The following ADAM12 variants were observed in gnomAD, a reference collection of about 807,000 sequenced individuals.
The protein encoded by ADAM12 is disintegrin and metalloproteinase domain-containing protein 12.
A neutral mutation model predicts 106.4 loss-of-function variants in ADAM12; 70 were observed. That is an observed-to-expected ratio of 0.66 (90% confidence interval 0.54 to 0.80). ADAM12 has a LOEUF of 0.80. Among genes scored for constraint, ADAM12 ranks in the 30% least tolerant of loss-of-function variants. The pLI, the probability that ADAM12 is intolerant of heterozygous loss-of-function variation, is 0.00. For missense variants in ADAM12, 1,010 were observed against 1,171.9 expected (o/e 0.86, Z 2.02); for synonymous variants, 420 against 433.5 (o/e 0.97, Z 0.39).
intron 3 of ADAM12, among the ~76,000 whole-genome samples, chr10:126,236,852 C>G (rs957324939): frequency 6.6e-6 from 1 of 152,158 alleles, no homozygotes. Context: ...ACCCCCAAAG[C>G]CAAGGGGCAG....
intron 3 of ADAM12, among the ~76,000 whole-genome samples, chr10:126,254,347 A>G (rs1958846789): frequency 6.6e-6 from 1 of 152,186 alleles, no homozygotes; most frequent in African/African-American, 2.4e-5. Flanking sequence ...AAACAAGATA[A>G]TGCAGGTGAA....
chr10:126,313,364 C>T (rs528889083), intron 2 of ADAM12, among the ~76,000 whole-genome samples: 1 of 152,208 alleles, frequency 6.6e-6, no homozygotes, highest in Admixed American at 6.5e-5. Context: ...CCAGACCAAC[C>T]CTGCCTCACA....
At chr10:126,309,992 C>CTACTAAAAA (rs1298653388) in intron 2 of ADAM12, among the ~76,000 whole-genome samples, 1 of 151,984 alleles carries the variant, frequency 6.6e-6, no homozygotes, top group Non-Finnish European at 1.5e-5. Flanking sequence ...AACCCCATCT[C>CTACTAAAAA]TACTAAAAAT....
chr10:126,304,533 T>A (rs1474692132), intron 2 of ADAM12, among the ~76,000 whole-genome samples: 1 of 152,012 alleles, frequency 6.6e-6, no homozygotes. Flanking sequence ...CCACTATAAG[T>A]ATAACAATGC....
At chr10:126,268,742 T>C (rs140153450) in intron 3 of ADAM12, among the ~76,000 whole-genome samples, 1 of 152,314 alleles carries the variant, frequency 6.6e-6, no homozygotes, top group African/African-American at 2.4e-5. Context: ...GAGTTTGAAG[T>C]AAACACTTCT....
intron 3 of ADAM12, among the ~76,000 whole-genome samples, chr10:126,208,329 C>T (rs943114387): frequency 2.6e-5 from 4 of 152,164 alleles, no homozygotes; most frequent in African/African-American, 7.2e-5. Flanking sequence ...TCCTACAATG[C>T]CCAGTGCAGC....
intron 1 of ADAM12, among the ~76,000 whole-genome samples, chr10:126,364,718 G>T (rs1855853026): frequency 6.6e-6 from 1 of 151,996 alleles, no homozygotes; most frequent in African/African-American, 2.4e-5. Flanking sequence ...ATAACAAAGT[G>T]ACCAAAGGAT....
chr10:126,293,082 C>A (rs1003364079), intron 2 of ADAM12, among the ~76,000 whole-genome samples: 1 of 152,214 alleles, frequency 6.6e-6, no homozygotes, highest in Admixed American at 6.5e-5. Context: ...CACAGGCCAG[C>A]AACCCACAAG....
At chr10:126,024,424 ATAACT>A (rs1953829343) in intron 21 of ADAM12, among the ~76,000 whole-genome samples, 2 of 152,346 alleles carry the variant, frequency 1.3e-5, no homozygotes, top group South Asian at 4.1e-4. Flanking sequence ...ATTTTAAAAA[ATAACT>A]TCAATCTTTG....
intron 14 of ADAM12, among the ~76,000 whole-genome samples, chr10:126,050,643 G>A (rs1371478164): frequency 6.6e-6 from 1 of 152,086 alleles, no homozygotes; most frequent in Admixed American, 6.5e-5. Context: ...AGGTGACAAC[G>A]GATTTATTTA....
At chr10:126,325,159 G>A (rs61863885) in intron 2 of ADAM12, among the ~76,000 whole-genome samples, 5,018 of 152,162 alleles carry the variant, frequency 0.033, 135 homozygotes, top group Non-Finnish European at 0.048. Context: ...ACATGAGAAC[G>A]GGGTCTCAGG....
intron 3 of ADAM12, among the ~76,000 whole-genome samples, chr10:126,248,230 G>A (rs181835004): frequency 2.0e-5 from 3 of 152,270 alleles, no homozygotes; most frequent in South Asian, 2.1e-4. Context: ...GGGTGATGCC[G>A]ACTTCACATG....
chr10:126,371,815 C>A (rs551977656), intron 1 of ADAM12, among the ~76,000 whole-genome samples: 3 of 152,294 alleles, frequency 2.0e-5, no homozygotes, highest in African/African-American at 7.2e-5. Flanking sequence ...CCTCCCACAT[C>A]TCTTTCTCAA....
At chr10:126,315,469 C>T (rs1590769888) in intron 2 of ADAM12, among the ~76,000 whole-genome samples, 1 of 152,126 alleles carries the variant, frequency 6.6e-6, no homozygotes. Flanking sequence ...CCTTTCCAAC[C>T]GATGGCTCCT....
intron 14 of ADAM12, among the ~76,000 whole-genome samples, chr10:126,054,309 A>G (rs970027961): frequency 6.6e-6 from 1 of 152,236 alleles, no homozygotes; most frequent in Admixed American, 6.5e-5. Flanking sequence ...ATATTTAAGC[A>G]TGTGATAGAT....
At chr10:126,322,150 G>A (rs931897214) in intron 2 of ADAM12, among the ~76,000 whole-genome samples, 18 of 152,090 alleles carry the variant, frequency 1.2e-4, no homozygotes, top group African/African-American at 3.1e-4. Flanking sequence ...AAATTTCAAC[G>A]TCCAGTAAGT....
At chr10:126,252,106 TGGATGGATG>T (rs1958792629) in intron 3 of ADAM12, among the ~76,000 whole-genome samples, 1 of 52,792 alleles carries the variant, frequency 1.9e-5, no homozygotes. Flanking sequence ...ATGGATTGGA[TGGATGGATG>T]GGATGGATGG....
intron 1 of ADAM12, among the ~76,000 whole-genome samples, chr10:126,365,894 C>A (rs1473262852): frequency 1.3e-5 from 2 of 152,146 alleles, no homozygotes; most frequent in Non-Finnish European, 2.9e-5. Flanking sequence ...TCTTAAATCA[C>A]CTGCTTTTCA....
At chr10:126,041,784 G>A in intron 18 of ADAM12, 1 of 1,109,756 alleles carries the variant, frequency 9.0e-7, no homozygotes, top group Non-Finnish European at 1.1e-6. Flanking sequence ...CTCCCCCACT[G>A]CTGTGGAGGC....
Sources: allele counts gnomAD v4.1 joint callset (sites outside exome capture counted in the v4.1 genomes callset), GRCh38; gene constraint gnomAD v4.1.1; transcripts MANE v1.5; gene names NCBI Gene and HGNC (gene_info 2026-07-23, HGNC 2026-07-21).